EFCAB5: variants seen among roughly 807,000 people sequenced by gnomAD.
The protein encoded by EFCAB5 is EF-hand calcium binding domain 5.
In EFCAB5, 131 loss-of-function variants were observed where a neutral mutation model predicts 167.9. The ratio of observed to expected loss-of-function variants is 0.78; its 90% confidence interval spans 0.68 to 0.90. EFCAB5 has a LOEUF of 0.90. EFCAB5 is among the 40% of genes least tolerant of loss of function. EFCAB5 has a pLI of 0.00. For synonymous variants in EFCAB5, 574 were observed against 602.8 expected, an observed-to-expected ratio of 0.95 and a Z score of 0.70; for missense variants, 1,663 against 1,745.2, an observed-to-expected ratio of 0.95 and a Z score of 0.84.
chr17:29,953,012 T>A (rs1440944744), intron 3 of EFCAB5, among the ~76,000 whole-genome samples: 1 of 152,076 alleles, frequency 6.6e-6, no homozygotes, highest in Non-Finnish European at 1.5e-5. Flanking sequence ...CCAGTTAAGG[T>A]TAAAAATAGC....
At chr17:30,085,444 G>C (rs2071067524) in intron 18 of EFCAB5, among the ~76,000 whole-genome samples, 1 of 152,234 alleles carries the variant, frequency 6.6e-6, no homozygotes, top group African/African-American at 2.4e-5. Context: ...GAGTATGTCA[G>C]TTTACATGGC....
intron 7 of EFCAB5, among the ~76,000 whole-genome samples, chr17:30,029,448 A>G (rs532312307): frequency 1.3e-5 from 2 of 152,296 alleles, no homozygotes; most frequent in East Asian, 3.9e-4. Context: ...GAATTGTTGT[A>G]TAGGTACTTC....
At chr17:30,089,415 G>A (rs541720811) in intron 19 of EFCAB5, among the ~76,000 whole-genome samples, 12 of 152,178 alleles carry the variant, frequency 7.9e-5, no homozygotes, top group African/African-American at 2.6e-4. Flanking sequence ...CTATAAATGC[G>A]CTTTTCGAGG....
intron 7 of EFCAB5, among the ~76,000 whole-genome samples, chr17:30,025,171 A>G (rs544769937): frequency 0.021 from 3,120 of 152,110 alleles, 63 homozygotes; most frequent in Non-Finnish European, 0.033. Context: ...GACAAATGGG[A>G]TCTAATTAAA....
At chr17:29,974,362 G>T (rs1381780006) in intron 4 of EFCAB5, among the ~76,000 whole-genome samples, 1 of 151,732 alleles carries the variant, frequency 6.6e-6, no homozygotes, top group Admixed American at 6.6e-5. Flanking sequence ...AACATAGCAA[G>T]ACCCCGTCTC....
chr17:30,028,026 A>G (rs1362052948), intron 7 of EFCAB5, among the ~76,000 whole-genome samples: 2 of 152,212 alleles, frequency 1.3e-5, no homozygotes, highest in Non-Finnish European at 2.9e-5. Context: ...TATGGGATTC[A>G]GATATTGACT....
intron 3 of EFCAB5, among the ~76,000 whole-genome samples, chr17:29,948,014 C>T (rs924677308): frequency 5.3e-5 from 8 of 151,970 alleles, no homozygotes; most frequent in East Asian, 1.9e-4. Flanking sequence ...TTAGTAGAGA[C>T]GGGGTTTCAC....
intron 3 of EFCAB5, among the ~76,000 whole-genome samples, chr17:29,958,179 A>G (rs1490088941): frequency 6.6e-6 from 1 of 152,182 alleles, no homozygotes. Flanking sequence ...GTAGCTGAAT[A>G]TTGTTATCTT....
At chr17:30,015,148 G>A (rs1191326775) in intron 7 of EFCAB5, among the ~76,000 whole-genome samples, 1 of 152,196 alleles carries the variant, frequency 6.6e-6, no homozygotes, top group Non-Finnish European at 1.5e-5. Flanking sequence ...CTGGCTTGTA[G>A]GGTTTCTGCT....
intron 3 of EFCAB5, among the ~76,000 whole-genome samples, chr17:29,956,537 C>T (rs995092446): frequency 2.0e-5 from 3 of 152,236 alleles, no homozygotes; most frequent in Non-Finnish European, 4.4e-5. Context: ...CACTCAGCTA[C>T]TTGTTACAAC....
chr17:29,967,888 C>CTTTT (rs35474839), intron 3 of EFCAB5, among the ~76,000 whole-genome samples: 4 of 134,856 alleles, frequency 3.0e-5, no homozygotes, highest in Non-Finnish European at 4.8e-5. Flanking sequence ...ATTTCCTCAC[C>CTTTT]TTTTTTTTTT....
In EFCAB5 at chr17:30,091,880, A is replaced by T; in HGVS notation, c.3947A>T (p.Asn1316Ile). Residue 1316 changes from asparagine to isoleucine, a missense_variant, in exon 21 of 23, where the codon AAT (asparagine) becomes ATT (isoleucine). Transcript: ENST00000394835. The stretch of plus-strand genomic sequence containing the variant: ...CATTTTGTTATTCCAGAGATTGAAA[A>T]TGTCAGGGAAGTCCAGCGGGCAGGA... The part of the protein sequence containing the change: ...IKKKYILEIE[N>I]VREVQRAGIL... 6.2e-7 allele frequency: 1 copy of T among 1,613,368 alleles called. No individual in the cohort carries two copies.
chr17:29,996,305 GT>G lies in EFCAB5; in HGVS notation c.925-5del, dbSNP rs1208387625. ...TTTCTTTCTTTTTTTCCTCTTTTGA[GT>G]TGCAGATTCAGAATGTTCTTCAAGA... On this transcript the variant is annotated splice_region_variant and splice_polypyrimidine_tract_variant and intron_variant, in intron 5 of 22. Coordinates refer to ENST00000394835, the MANE Select transcript of EFCAB5 (RefSeq NM_198529.4). 1.3e-6 allele frequency: 2 copies of G among 1,549,094 alleles called. No individual in the cohort carries two copies. Among genetic ancestry groups the G allele is most frequent in the Admixed American group, 3.9e-5 (2 of 50,894 alleles).
In EFCAB5 at chr17:29,956,324, C is replaced by G. The variant is rs974891462; in HGVS notation, c.191-12467C>G. On this transcript the variant is annotated intron_variant, in intron 3 of 22. Transcript: ENST00000394835. ...TCAGGAATCAGGCAGCTTCCAGAACCAGAAAAGGATCAGAGCAACTCCAGG... is the reference window on the plus strand; with the variant it reads ...TCAGGAATCAGGCAGCTTCCAGAACGAGAAAAGGATCAGAGCAACTCCAGG... Among the ~76,000 whole-genome samples the G allele has an allele frequency of 2.6e-5, 4 of 152,212 alleles. No individual in the cohort carries two copies. In the East Asian group the frequency reaches 5.8e-4, roughly 22 times the overall value.
At position 30,101,755 on chromosome 17, in the gene EFCAB5, T is replaced by A. The variant is rs187938574; in HGVS notation, c.4322-6079T>A. Among the ~76,000 whole-genome samples, 260 of 152,080 alleles carry A rather than the reference T, an allele frequency of 1.7e-3. 1 individual carries two copies. The highest frequency in any genetic ancestry group is 2.0e-3 in the Non-Finnish European group (137 of 67,986). ...ACCGGAGGAGGAAATGGGGTCAAGG[T>A]TTTGTTTTGTTTCTCAGATGGGAGA... On this transcript the variant is annotated intron_variant, in intron 22 of 22. Transcript: ENST00000394835.
At chr17:30,091,152 G>A (rs186168962) in intron 20 of EFCAB5, among the ~76,000 whole-genome samples, 55 of 152,242 alleles carry the variant, frequency 3.6e-4, no homozygotes, top group Admixed American at 8.5e-4. Context: ...AGAACATCTC[G>A]TTTTACAGAT....
At chr17:29,946,308 C>T (rs2067395605) in intron 3 of EFCAB5, among the ~76,000 whole-genome samples, 1 of 151,286 alleles carries the variant, frequency 6.6e-6, no homozygotes, top group African/African-American at 2.4e-5. Context: ...CAAGAAGGAT[C>T]ATTATTAAAA....
intron 8 of EFCAB5, among the ~76,000 whole-genome samples, chr17:30,050,424 C>T (rs1030839185): frequency 1.8e-4 from 28 of 152,088 alleles, no homozygotes; most frequent in Admixed American, 6.6e-4. Context: ...CGTGAGCCAC[C>T]GCGCCTGGCC....
intron 7 of EFCAB5, among the ~76,000 whole-genome samples, chr17:30,003,104 G>C (rs115024453): frequency 1.7e-3 from 235 of 141,462 alleles, no homozygotes; most frequent in Non-Finnish European, 2.7e-3. Context: ...TGTAGCGGGG[G>C]GGGGGTCTGA....
Sources: gnomAD v4.1 joint callset for allele counts (sites outside exome capture counted in the v4.1 genomes callset) on GRCh38, gnomAD v4.1.1 for gene constraint, MANE v1.5 for transcripts, NCBI Gene and HGNC (gene_info 2026-07-23, HGNC 2026-07-21) for gene names.